Variants in LAMA1 observed in about 807,000 individuals in gnomAD.
LAMA1 encodes the protein laminin subunit alpha 1.
A neutral mutation model predicts 348.7 loss-of-function variants in LAMA1; 219 were observed. That is an observed-to-expected ratio of 0.63 (90% CI 0.56 to 0.70). The LOEUF is 0.70. LAMA1 is among the 30% of genes least tolerant of loss of function. The probability of loss-of-function intolerance (pLI) is 0.00; values close to 1 mark genes in which losing one functional copy is unlikely to be tolerated. For synonymous variants in LAMA1, 1,487 were observed against 1,491.0 expected (o/e 1.00, Z 0.06); for missense variants, 3,744 against 3,888.0 (o/e 0.96, Z 0.99).
chr18:7,032,480 T>C (rs1377944805), intron 15 of LAMA1, among the ~76,000 whole-genome samples: 1 of 152,214 alleles, frequency 6.6e-6, no homozygotes, highest in Non-Finnish European at 1.5e-5. Flanking sequence ...AATATCAATA[T>C]GTTTGTCCAA....
intron 61 of LAMA1, among the ~76,000 whole-genome samples, chr18:6,944,591 A>G (rs939260492): frequency 6.6e-6 from 1 of 152,192 alleles, no homozygotes; most frequent in African/African-American, 2.4e-5. Context: ...TGTCTTTATA[A>G]GAAGAGATTA....
intron 3 of LAMA1, among the ~76,000 whole-genome samples, chr18:7,074,085 G>C (rs889355632): frequency 1.3e-5 from 2 of 151,072 alleles, no homozygotes; most frequent in African/African-American, 4.9e-5. Flanking sequence ...TGACCTCCTC[G>C]GCCTCCCAAA....
chr18:6,948,700 T>A, intron 59 of LAMA1, 144 bp from the exon 60 acceptor site: 1 of 857,150 alleles, frequency 1.2e-6, no homozygotes, highest in Non-Finnish European at 1.8e-6. Context: ...ATTGCCACAA[T>A]ACTTCACATG....
At chr18:7,057,226 C>T (rs1250164149) in intron 3 of LAMA1, among the ~76,000 whole-genome samples, 1 of 152,092 alleles carries the variant, frequency 6.6e-6, no homozygotes, top group African/African-American at 2.4e-5. Context: ...CCCCCCATTA[C>T]AGATGAGGAA....
Position 7,049,156 on chromosome 18 carries a change from G to T in LAMA1, c.690C>A (p.Arg230=), listed in dbSNP as rs1230932344. ...SARYIRLRLQ[R]IRTLNADLMT... is the part of the protein sequence containing the mutation. ...TGAGATCTGCATTGAGCGTTCTAAT[G>T]CGTTGCAAGCGAAGGCGAATATATC... Residue 230 remains arginine, a synonymous_variant, in exon 5 of 63, where the codon CGC becomes CGA. Coordinates refer to ENST00000389658, the MANE Select transcript of LAMA1 (RefSeq NM_005559.4). 1 of 1,614,050 alleles carries T rather than the reference G, an allele frequency of 6.2e-7. No individual in the cohort carries two copies. The highest frequency in any genetic ancestry group is 1.3e-5 in the African/African-American group (1 of 74,926).
chr18:7,076,423 A>C (rs543980648), intron 3 of LAMA1, among the ~76,000 whole-genome samples: 1 of 152,150 alleles, frequency 6.6e-6, no homozygotes, highest in Non-Finnish European at 1.5e-5. Flanking sequence ...CTGGAATCTA[A>C]TCAGGTCTCT....
chr18:7,049,364 A>G (rs968084362), intron 4 of LAMA1, 107 bp from the exon 5 acceptor site: 2 of 1,002,348 alleles, frequency 2.0e-6, no homozygotes, highest in African/African-American at 1.6e-5. Flanking sequence ...CAGTGGCACA[A>G]TCTTGGCTCA....
chr18:7,085,595 T>C (rs941543270), intron 1 of LAMA1, among the ~76,000 whole-genome samples: 2 of 151,942 alleles, frequency 1.3e-5, no homozygotes, highest in Admixed American at 1.3e-4. Context: ...ATTTTTTGTA[T>C]TTTTAGTAGA....
chr18:7,109,838 G>A (rs2058328627), intron 1 of LAMA1, among the ~76,000 whole-genome samples: 1 of 152,164 alleles, frequency 6.6e-6, no homozygotes, highest in African/African-American at 2.4e-5. Context: ...TAACTGCAGT[G>A]TGGGACTGGA....
At chr18:7,031,998 C>G in intron 16 of LAMA1, 68 bp downstream of exon 16, 1 of 1,254,802 alleles carries the variant, frequency 8.0e-7, no homozygotes, top group South Asian at 1.2e-5. Context: ...AAAAAAAAAT[C>G]ACTTGTACAC....
intron 60 of LAMA1, 143 bp downstream of exon 60, chr18:6,948,260 T>C: frequency 8.8e-7 from 1 of 1,131,300 alleles, no homozygotes; most frequent in Admixed American, 1.9e-5. Context: ...CGCCAAGAAA[T>C]TAGGAATCAA....
At chr18:7,093,739 G>A (rs1208118497) in intron 1 of LAMA1, among the ~76,000 whole-genome samples, 1 of 150,914 alleles carries the variant, frequency 6.6e-6, no homozygotes, top group East Asian at 1.9e-4. Context: ...TTATGCACAA[G>A]GTAGAGAGAT....
intron 1 of LAMA1, among the ~76,000 whole-genome samples, chr18:7,094,814 G>T (rs897508730): frequency 6.6e-6 from 1 of 152,074 alleles, no homozygotes; most frequent in African/African-American, 2.4e-5. Flanking sequence ...ATCCACACAG[G>T]CAGTGCCCAG....
chr18:6,982,639 T>C, intron 40 of LAMA1, 49 bp from the exon 41 acceptor site: 1 of 1,460,632 alleles, frequency 6.8e-7, no homozygotes, highest in South Asian at 1.1e-5. Flanking sequence ...CAGGGTGGAG[T>C]CCTGCTGGGG....
chr18:7,113,698 G>A (rs989010388), intron 1 of LAMA1, among the ~76,000 whole-genome samples: 9 of 152,154 alleles, frequency 5.9e-5, no homozygotes, highest in Non-Finnish European at 1.3e-4. Context: ...GGCCTGCTGA[G>A]TGAACCATCA....
chr18:7,043,155 A>T, intron 8 of LAMA1, 72 bp downstream of exon 8: 1 of 1,457,498 alleles, frequency 6.9e-7, no homozygotes, highest in African/African-American at 1.4e-5. Flanking sequence ...TACAGAGGTT[A>T]AGACTTGACA....
In LAMA1 at chr18:7,080,534, G is replaced by T; in HGVS notation, c.62-77C>A. The T allele has an allele frequency of 4.1e-6, 6 of 1,465,230 alleles. No individual in the cohort carries two copies. In the South Asian group the frequency reaches 4.8e-5, roughly 12 times the overall value. 90.8% of individuals were successfully genotyped at this position (1,465,230 alleles called of 1,614,324 possible). The stretch of plus-strand genomic sequence containing the variant: ...GAGCTTACCCCATCCCACTTGGTAG[G>T]TGAATCAAAAGGAGATTGAAAGTCT... On this transcript the variant is annotated intron_variant, in intron 1 of 62. Coordinates refer to ENST00000389658, the MANE Select transcript of LAMA1 (RefSeq NM_005559.4).
chr18:6,966,403 GTTCCATAC>G, intron 48 of LAMA1, 106 bp from the exon 49 acceptor site: 1 of 933,230 alleles, frequency 1.1e-6, no homozygotes, highest in South Asian at 1.4e-5. Flanking sequence ...AGAGCTATTA[GTTCCATAC>G]TTTCATAACA....
chr18:6,949,004 G>C (rs2057534323), intron 59 of LAMA1, 97 bp downstream of exon 59: 1 of 1,470,186 alleles, frequency 6.8e-7, no homozygotes, highest in South Asian at 1.2e-5. Context: ...GTTCAAACAA[G>C]GTAATTTAAA....
Sources: gnomAD v4.1 joint callset for allele counts (sites outside exome capture counted in the v4.1 genomes callset) on GRCh38, gnomAD v4.1.1 for gene constraint, MANE v1.5 for transcripts, NCBI Gene and HGNC (gene_info 2026-07-23, HGNC 2026-07-21) for gene names.